The following CTNNA3 variants were observed in gnomAD, a reference collection of about 807,000 sequenced individuals.
CTNNA3 encodes the protein catenin alpha 3, also known as catenin alpha-3.
CTNNA3 carries 76 observed loss-of-function variants against 95.7 expected under a neutral mutation model. The ratio of observed to expected loss-of-function variants is 0.79; its 90% CI spans 0.66 to 0.96. CTNNA3 has a LOEUF of 0.96. Among genes scored for constraint, CTNNA3 ranks in the 40% least tolerant of loss-of-function variants. CTNNA3 has a pLI of 0.00. For synonymous variants in CTNNA3, 431 were observed against 374.4 expected (o/e 1.15, Z -1.74); for missense variants, 1,191 against 1,089.8 (o/e 1.09, Z -1.31).
At chr10:67,318,180 A>G (rs1841148557) in intron 5 of CTNNA3, among the ~76,000 whole-genome samples, 1 of 152,158 alleles carries the variant, frequency 6.6e-6, no homozygotes, top group African/African-American at 2.4e-5. Context: ...ATTCTAAACC[A>G]AAAGAAATAA....
intron 10 of CTNNA3, among the ~76,000 whole-genome samples, chr10:66,600,889 G>C (rs1176589434): frequency 6.6e-6 from 1 of 151,868 alleles, no homozygotes; most frequent in Non-Finnish European, 1.5e-5. Flanking sequence ...TAGTAGAAAA[G>C]TCTATGTTCT....
intron 3 of CTNNA3, among the ~76,000 whole-genome samples, chr10:67,566,073 ACAAAACC>A (rs1841782980): frequency 9.4e-6 from 1 of 106,178 alleles, no homozygotes; most frequent in South Asian, 3.6e-4. Flanking sequence ...ATATATATAT[ACAAAACC>A]TAGGCATTAC....
At chr10:67,720,128 G>GTTTTTTTTTTTTTTTTT (rs1564839853) in intron 1 of CTNNA3, among the ~76,000 whole-genome samples, 1 of 2,660 alleles carries the variant, frequency 3.8e-4, no homozygotes, top group Admixed American at 3.8e-3. Context: ...TGCAACCCCT[G>GTTTTTTTTTTTTTTTTT]CTTTTTTTTT....
At position 67,399,137 on chromosome 10, in the gene CTNNA3, G is replaced by A. The variant is rs553528668; in HGVS notation, c.579+122705C>T. 9.9e-5 allele frequency among the ~76,000 whole-genome samples: 15 copies of A among 152,206 alleles called. No homozygotes were observed. In the South Asian group the frequency reaches 3.1e-3, roughly 32 times the overall value. ...GGGTCTTGCTGTCTCAGTGGGGGCA[G>A]AGGCAGAAGAGATGGAGGAGGCAGA... On this transcript the variant is annotated intron_variant, in intron 5 of 17. Transcript: ENST00000433211.
At chr10:67,270,429 A>G (rs1838924927) in intron 5 of CTNNA3, among the ~76,000 whole-genome samples, 1 of 152,172 alleles carries the variant, frequency 6.6e-6, no homozygotes, top group Non-Finnish European at 1.5e-5. Context: ...AAATTCTACA[A>G]AAGGAAACAC....
intron 13 of CTNNA3, among the ~76,000 whole-genome samples, chr10:66,268,031 T>A (rs901928877): frequency 1.1e-4 from 16 of 152,266 alleles, no homozygotes; most frequent in South Asian, 2.1e-4. Context: ...AAAGACTGTT[T>A]AAATTGACTT....
chr10:66,997,872 C>T (rs933853073), intron 7 of CTNNA3, among the ~76,000 whole-genome samples: 2 of 152,122 alleles, frequency 1.3e-5, no homozygotes, highest in Admixed American at 1.3e-4. Flanking sequence ...ACTCCATCCC[C>T]ACACTCCTAA....
chr10:66,549,349 T>G (rs577791968), intron 10 of CTNNA3, among the ~76,000 whole-genome samples: 1 of 152,304 alleles, frequency 6.6e-6, no homozygotes, highest in African/African-American at 2.4e-5. Context: ...ATCACCACTA[T>G]GAGATTTTTT....
chr10:66,344,738 A>T (rs1463817554), intron 12 of CTNNA3, among the ~76,000 whole-genome samples: 1 of 152,118 alleles, frequency 6.6e-6, no homozygotes, highest in Non-Finnish European at 1.5e-5. Flanking sequence ...ATAGAAGGAA[A>T]CATCCTTCAG....
intron 13 of CTNNA3, among the ~76,000 whole-genome samples, chr10:66,264,133 A>T (rs2091086321): frequency 6.6e-6 from 1 of 151,990 alleles, no homozygotes; most frequent in Non-Finnish European, 1.5e-5. Flanking sequence ...TCATATACCC[A>T]ATGGCTGATA....
intron 11 of CTNNA3, among the ~76,000 whole-genome samples, chr10:66,464,215 T>G (rs1303434809): frequency 4.6e-5 from 7 of 152,144 alleles, no homozygotes; most frequent in Non-Finnish European, 4.4e-5. Flanking sequence ...AAATTTCAAC[T>G]AAAATTATTT....
At chr10:66,186,131 C>CTCATCA (rs1397120885) in intron 13 of CTNNA3, among the ~76,000 whole-genome samples, 1 of 151,990 alleles carries the variant, frequency 6.6e-6, no homozygotes, top group Non-Finnish European at 1.5e-5. Context: ...TTTGAATGTT[C>CTCATCA]TCATCATAGA....
chr10:66,703,701 A>G (rs1589147212), intron 9 of CTNNA3, among the ~76,000 whole-genome samples: 1 of 152,212 alleles, frequency 6.6e-6, no homozygotes, highest in East Asian at 1.9e-4. Flanking sequence ...ATACTTTTGT[A>G]TGCCTGCTGC....
chr10:66,138,901 A>G (rs111587142), intron 13 of CTNNA3, among the ~76,000 whole-genome samples: 1,532 of 152,296 alleles, frequency 0.01, 32 homozygotes, highest in African/African-American at 0.035. Context: ...ATTGACAATG[A>G]TCAAACATCT....
intron 17 of CTNNA3, among the ~76,000 whole-genome samples, chr10:65,927,197 G>A (rs537903845): frequency 1.3e-5 from 2 of 152,124 alleles, no homozygotes; most frequent in African/African-American, 4.8e-5. Flanking sequence ...CGTATTAAAC[G>A]AGTCTTTAAA....
intron 4 of CTNNA3, among the ~76,000 whole-genome samples, chr10:67,531,671 G>T (rs1216801889): frequency 6.6e-6 from 1 of 152,144 alleles, no homozygotes; most frequent in Non-Finnish European, 1.5e-5. Context: ...AATGAATTAA[G>T]ACTTTGGGGG....
chr10:67,588,733 A>G (rs1411412257), intron 3 of CTNNA3, among the ~76,000 whole-genome samples: 1 of 152,170 alleles, frequency 6.6e-6, no homozygotes, highest in Non-Finnish European at 1.5e-5. Context: ...TTATCCACTT[A>G]TAAGTTAAGG....
intron 7 of CTNNA3, among the ~76,000 whole-genome samples, chr10:66,883,742 T>A (rs1844932185): frequency 6.6e-6 from 1 of 152,114 alleles, no homozygotes; most frequent in Admixed American, 6.6e-5. Flanking sequence ...AGGAGTTAAA[T>A]ATTTTAACAC....
chr10:66,114,801 C>T (rs998532690), intron 13 of CTNNA3, among the ~76,000 whole-genome samples: 12 of 151,770 alleles, frequency 7.9e-5, no homozygotes, highest in Admixed American at 3.9e-4. Flanking sequence ...ATCACTTGAA[C>T]CCAGGAGGCA....
Sources: allele counts gnomAD v4.1 joint callset (sites outside exome capture counted in the v4.1 genomes callset), GRCh38; gene constraint gnomAD v4.1.1; transcripts MANE v1.5; gene names NCBI Gene and HGNC (gene_info 2026-07-23, HGNC 2026-07-21).